Variants in SHANK2 observed in about 807,000 individuals in gnomAD.
The protein encoded by SHANK2 is SH3 and multiple ankyrin repeat domains protein 2.
SHANK2 carries 43 observed loss-of-function variants against 133.7 expected under a neutral mutation model. The ratio of observed to expected loss-of-function variants is 0.32; its 90% CI spans 0.25 to 0.41. The LOEUF is 0.41. Ranked by LOEUF, SHANK2 falls within the 10% of genes least tolerant of loss-of-function variation. SHANK2 has a pLI of 1.00. For missense variants in SHANK2, 1,994 were observed against 2,235.8 expected, an observed-to-expected ratio of 0.89 and a Z score of 2.18; for synonymous variants, 1,017 against 952.8, an observed-to-expected ratio of 1.07 and a Z score of -1.24.
chr11:71,070,580 A>T (rs1185776655), intron 9 of SHANK2, among the ~76,000 whole-genome samples: 1 of 151,768 alleles, frequency 6.6e-6, no homozygotes, highest in Non-Finnish European at 1.5e-5. Flanking sequence ...GGGGAGGGGG[A>T]TCCATCAATA....
intron 15 of SHANK2, among the ~76,000 whole-genome samples, chr11:70,671,835 G>A (rs1486545596): frequency 5.3e-5 from 8 of 152,092 alleles, no homozygotes; most frequent in East Asian, 1.9e-4. Context: ...CGGACTCTGC[G>A]GTGCCAGGCA....
intron 10 of SHANK2, chr11:70,948,209 G>A (rs953167507): frequency 1.0e-4 from 47 of 452,830 alleles, no homozygotes; most frequent in Admixed American, 3.3e-4. Flanking sequence ...TGCCAGCTCC[G>A]TACCATTCCA....
At chr11:70,726,078 G>T (rs1185712802) in intron 14 of SHANK2, among the ~76,000 whole-genome samples, 2 of 152,210 alleles carry the variant, frequency 1.3e-5, no homozygotes, top group African/African-American at 2.4e-5. Context: ...GCTCAGCTGA[G>T]TTTCTCAGAG....
At chr11:70,860,010 C>T (rs1430005458) in intron 11 of SHANK2, among the ~76,000 whole-genome samples, 5 of 152,180 alleles carry the variant, frequency 3.3e-5, no homozygotes, top group Admixed American at 6.5e-5. Context: ...CAGTCATCCT[C>T]GTGTGTTCCT....
At chr11:70,586,077 C>T (rs1057158940) in intron 17 of SHANK2, among the ~76,000 whole-genome samples, 2 of 152,150 alleles carry the variant, frequency 1.3e-5, no homozygotes, top group Non-Finnish European at 1.5e-5. Context: ...CAAGTAGCCA[C>T]GAGTGTGGTG....
In SHANK2 at chr11:71,078,656, G is replaced by T. The variant is rs1488588651; in HGVS notation, c.913-3381C>A. ...GCAGAAGCAGCTTTCCATAAGACAC[G>T]CCCATCAGTGTGCCACATCAGTTTA... On this transcript the variant is annotated intron_variant, in intron 8 of 25. Transcript: ENST00000601538. Among the ~76,000 whole-genome samples, 3 of 152,258 alleles carry T rather than the reference G, an allele frequency of 2.0e-5. No individual in the cohort carries two copies. The South Asian group carries it at 6.2e-4, about 32-fold the overall frequency.
chr11:71,101,117 G>C (rs1304818972), intron 6 of SHANK2, among the ~76,000 whole-genome samples: 2 of 152,154 alleles, frequency 1.3e-5, no homozygotes, highest in Non-Finnish European at 1.5e-5. Flanking sequence ...ACCAGTGCAT[G>C]CTGTCAATAA....
chr11:70,811,917 C>A (rs1375645367), intron 12 of SHANK2, among the ~76,000 whole-genome samples: 3 of 152,242 alleles, frequency 2.0e-5, no homozygotes, highest in Non-Finnish European at 4.4e-5. Context: ...TCAGAAAGAT[C>A]TTGCCTGAAG....
intron 3 of SHANK2, among the ~76,000 whole-genome samples, chr11:71,128,605 T>C (rs2135317084): frequency 6.6e-6 from 1 of 152,234 alleles, no homozygotes; most frequent in East Asian, 1.9e-4. Context: ...CTAAGTTCCC[T>C]TCATACCACA....
intron 17 of SHANK2, among the ~76,000 whole-genome samples, chr11:70,625,820 A>G (rs1422029666): frequency 2.0e-5 from 3 of 150,052 alleles, no homozygotes; most frequent in African/African-American, 7.3e-5. Context: ...GAAAAAAAAA[A>G]AAAAAAAAAA....
intron 6 of SHANK2, among the ~76,000 whole-genome samples, chr11:71,107,114 C>CA (rs1295750847): frequency 2.0e-5 from 3 of 149,746 alleles, no homozygotes; most frequent in Non-Finnish European, 3.0e-5. Flanking sequence ...GACCCTGTCT[C>CA]AAAAAAAAAG....
chr11:71,112,959 T>G (rs1951913794), intron 5 of SHANK2, among the ~76,000 whole-genome samples: 1 of 152,168 alleles, frequency 6.6e-6, no homozygotes, highest in Non-Finnish European at 1.5e-5. Context: ...AATACGGGGC[T>G]CACTGTGGAC....
intron 14 of SHANK2, among the ~76,000 whole-genome samples, chr11:70,748,742 C>A (rs1555036822): frequency 6.6e-6 from 1 of 152,200 alleles, no homozygotes; most frequent in Non-Finnish European, 1.5e-5. Context: ...CAACCGTCTG[C>A]ATCTCCATGT....
At chr11:71,172,135 G>A (rs1353351698) in intron 2 of SHANK2, among the ~76,000 whole-genome samples, 2 of 152,124 alleles carry the variant, frequency 1.3e-5, no homozygotes, top group African/African-American at 2.4e-5. Context: ...GCAAACAATT[G>A]CTAGGATTTC....
chr11:70,901,104 C>G (rs945465315), intron 10 of SHANK2, among the ~76,000 whole-genome samples: 2 of 152,146 alleles, frequency 1.3e-5, no homozygotes, highest in Non-Finnish European at 2.9e-5. Context: ...ATTATCTCTA[C>G]TCGACAGAGG....
At chr11:70,891,138 T>C (rs1555074647) in intron 11 of SHANK2, among the ~76,000 whole-genome samples, 1 of 152,116 alleles carries the variant, frequency 6.6e-6, no homozygotes, top group African/African-American at 2.4e-5. Flanking sequence ...CCTCAGCGTA[T>C]GCGGGCTCCT....
At chr11:71,169,075 C>G (rs1953252486) in intron 2 of SHANK2, among the ~76,000 whole-genome samples, 1 of 152,096 alleles carries the variant, frequency 6.6e-6, no homozygotes, top group Admixed American at 6.5e-5. Flanking sequence ...AGCAACCTAA[C>G]AGTTTTGGGC....
In SHANK2 at chr11:70,486,608, C is replaced by G. The variant is rs1555153736; in HGVS notation, c.3685G>C (p.Glu1229Gln). 29 of 1,613,846 alleles carry G rather than the reference C, an allele frequency of 1.8e-5. 1 individual carries two copies. The highest frequency in any genetic ancestry group is 2.4e-5 in the Non-Finnish European group (28 of 1,180,016). ...TCCCCTTTGGGTCCCTGTTGAGACT[C>G]CTTCATGGCTCGGTCCCTTGCGGAG... ...ALSARDRAMK[E>Q]SQQGPKGEAP... Residue 1229 changes from glutamate to glutamine, a missense_variant, in exon 25 of 26, where the codon GAG becomes CAG. Physicochemically the swap from Glu to Gln is conservative, Grantham distance 29. Coordinates refer to ENST00000601538, the MANE Select transcript of SHANK2 (RefSeq NM_012309.5). This position sits in a 1 kb window ranked among gnomAD's most constrained non-coding sequence, Gnocchi z 8.0.
chr11:70,798,955 G>A (rs568369815), intron 13 of SHANK2, among the ~76,000 whole-genome samples: 47 of 152,148 alleles, frequency 3.1e-4, no homozygotes, highest in South Asian at 1.0e-3. Flanking sequence ...GTGGAGTCGG[G>A]GGGCACCGCC....
Sources: allele counts gnomAD v4.1 joint callset (sites outside exome capture counted in the v4.1 genomes callset), GRCh38; gene constraint gnomAD v4.1.1; non-coding constraint Gnocchi (gnomAD v3.1); transcripts MANE v1.5; gene names NCBI Gene and HGNC (gene_info 2026-07-23, HGNC 2026-07-21).